MIER3: variants seen among roughly 807,000 people sequenced by gnomAD.
MIER3 encodes mesoderm induction early response protein 3.
MIER3 carries 9 observed loss-of-function variants against 63.2 expected under a neutral mutation model. That is an observed-to-expected ratio of 0.14 (90% confidence interval 0.09 to 0.25). MIER3 has a LOEUF of 0.25. MIER3 is among the 10% of genes least tolerant of loss of function. MIER3 has a pLI of 1.00. For synonymous variants in MIER3, 205 were observed against 224.9 expected, an observed-to-expected ratio of 0.91 and a Z score of 0.79; for missense variants, 512 against 666.2, an observed-to-expected ratio of 0.77 and a Z score of 2.55.
intron 4 of MIER3, among the ~76,000 whole-genome samples, chr5:56,938,113 C>T (rs1384022187): frequency 6.6e-6 from 1 of 152,204 alleles, no homozygotes; most frequent in African/African-American, 2.4e-5. Flanking sequence ...TAATGAACAG[C>T]ACTGACTACT....
intron 10 of MIER3, among the ~76,000 whole-genome samples, chr5:56,925,723 CAA>C (rs1749940684): frequency 6.6e-6 from 1 of 152,052 alleles, no homozygotes; most frequent in African/African-American, 2.4e-5. Context: ...AAAATCCCAG[CAA>C]GTTATTTTGT....
intron 5 of MIER3, chr5:56,936,871 T>C (rs1218273714): frequency 2.0e-5 from 3 of 152,056 alleles, no homozygotes; most frequent in African/African-American, 7.2e-5. Flanking sequence ...AGGAAAAAGA[T>C]GAATCATTAA....
At chr5:56,951,632 G>A (rs1448239597) in intron 1 of MIER3, among the ~76,000 whole-genome samples, 2 of 151,744 alleles carry the variant, frequency 1.3e-5, no homozygotes, top group Non-Finnish European at 2.9e-5. Flanking sequence ...GGTGGGCCGG[G>A]GGCACAGCGC....
chr5:56,929,865 A>G (rs1197082169), intron 9 of MIER3, among the ~76,000 whole-genome samples: 3 of 152,170 alleles, frequency 2.0e-5, no homozygotes, highest in Non-Finnish European at 4.4e-5. Flanking sequence ...TTGACATGGG[A>G]GACCAGGTCC....
At position 56,941,060 on chromosome 5, in the gene MIER3, G is replaced by T. The variant is rs1043765350; in HGVS notation, c.181-2043C>A. 1.3e-4 allele frequency: 125 copies of T among 985,388 alleles called. 2 individuals are homozygous for T. In the African/African-American group the frequency reaches 2.0e-3, roughly 16 times the overall value. The allele number at this position is 985,388 out of a possible 1,614,324, so 61.0% of individuals were successfully genotyped here. ...CTCAGTTCTAAGTGCTTGGCTGAGG[G>T]CTACTAGCTACTTGCTACTGGACAT... On this transcript the variant is annotated intron_variant, in intron 3 of 12. Transcript: ENST00000381199.
intron 10 of MIER3, chr5:56,925,336 A>G (rs1454122010): frequency 2.2e-6 from 1 of 455,042 alleles, no homozygotes; most frequent in Non-Finnish European, 4.4e-6. Flanking sequence ...TTTACAGGTG[A>G]CATGACTGTC....
At chr5:56,945,083 G>A (rs2112143695) in intron 3 of MIER3, among the ~76,000 whole-genome samples, 1 of 152,256 alleles carries the variant, frequency 6.6e-6, no homozygotes, top group East Asian at 1.9e-4. Context: ...TTTCTCATTT[G>A]TGCTTTTCTG....
intron 7 of MIER3, among the ~76,000 whole-genome samples, 177 bp from the exon 8 acceptor site, chr5:56,933,575 CTT>C: frequency 6.6e-6 from 1 of 152,172 alleles, no homozygotes; most frequent in East Asian, 1.9e-4. Context: ...GAAAATTTAA[CTT>C]TATTATAGGC....
intron 8 of MIER3, among the ~76,000 whole-genome samples, chr5:56,932,194 A>C (rs928944864): frequency 2.0e-5 from 3 of 152,144 alleles, no homozygotes; most frequent in African/African-American, 7.2e-5. Context: ...TGGGAGGTGG[A>C]GGTTGCAGTG....
chr5:56,952,043 C>T, intron 1 of MIER3, 51 bp downstream of exon 1: 1 of 1,259,086 alleles, frequency 7.9e-7, no homozygotes, highest in Non-Finnish European at 1.0e-6. Flanking sequence ...CGCGGGGAGC[C>T]GCCGGGCGCC....
intron 8 of MIER3, 78 bp from the exon 9 acceptor site, chr5:56,930,823 T>A (rs1165144061): frequency 1.5e-5 from 17 of 1,154,816 alleles, no homozygotes; most frequent in Non-Finnish European, 2.2e-5. Flanking sequence ...AGAGTTTTGA[T>A]AAATATTGGA....
intron 1 of MIER3, among the ~76,000 whole-genome samples, chr5:56,951,220 T>C (rs1751014195): frequency 6.6e-6 from 1 of 151,896 alleles, no homozygotes; most frequent in Admixed American, 6.6e-5. Flanking sequence ...AGTCCAGAGA[T>C]GCAGCTCCTC....
chr5:56,952,033 C>T lies in MIER3; in HGVS notation c.9+61G>A, dbSNP rs1316429173. 1.8e-5 allele frequency: 23 copies of T among 1,244,786 alleles called. 1 individual carries two copies. In the East Asian group the frequency reaches 8.8e-4, roughly 48 times the overall value. 77.1% of individuals were successfully genotyped at this position (1,244,786 alleles called of 1,614,324 possible). On this transcript the variant is annotated intron_variant, in intron 1 of 12. Transcript: ENST00000381199. ...GGATCCCCCAGGCTGGCTCGGGGGT[C>T]GCGGGGAGCCGCCGGGCGCCCGCTC... is the stretch of plus-strand genomic sequence containing the variant.
intron 9 of MIER3, among the ~76,000 whole-genome samples, chr5:56,930,028 A>G (rs967017592): frequency 2.0e-5 from 3 of 152,224 alleles, no homozygotes; most frequent in African/African-American, 7.2e-5. Context: ...ATCTCAATTC[A>G]TAAGTTTAAA....
chr5:56,946,158 A>T (rs1216104715), intron 3 of MIER3, among the ~76,000 whole-genome samples: 1 of 152,212 alleles, frequency 6.6e-6, no homozygotes, highest in Non-Finnish European at 1.5e-5. Context: ...GATATATATA[A>T]GAATGTGCTT....
intron 3 of MIER3, among the ~76,000 whole-genome samples, chr5:56,942,422 T>C (rs192980191): frequency 3.3e-4 from 51 of 152,332 alleles, no homozygotes; most frequent in African/African-American, 1.2e-3. Context: ...CTTGAGTTAC[T>C]TGATACAAGG....
chr5:56,948,386 CG>C (rs1336135253), intron 2 of MIER3, among the ~76,000 whole-genome samples: 2 of 151,938 alleles, frequency 1.3e-5, no homozygotes, highest in Non-Finnish European at 2.9e-5. Flanking sequence ...AAATATAGGC[CG>C]GGGTGGTGGC....
chr5:56,940,939 T>C lies in MIER3; in HGVS notation c.181-1922A>G. 4.1e-6 allele frequency: 4 copies of C among 984,598 alleles called. No individual in the cohort carries two copies. The South Asian group carries it at 1.9e-4, about 46-fold the overall frequency. 61.0% of individuals were successfully genotyped at this position (984,598 alleles called of 1,614,324 possible). A position where few individuals can be genotyped will look rare whatever the true frequency, so the allele number is the denominator to read the frequency against. The stretch of plus-strand genomic sequence containing the variant: ...CTTTGCCAAGCACCTGTCAGTAGTA[T>C]TTCCGCAGAACCTCACAGTTTCACA... On this transcript the variant is annotated intron_variant, in intron 3 of 12. Transcript: ENST00000381199.
chr5:56,919,891 G>GA lies in MIER3; in HGVS notation c.*3236dup, dbSNP rs1292798551. ...AAACTAATAGTTTCCTCCATTTAGT[G>GA]AAAAAATTAGGAACTTTTTAAAAAA... On this transcript the variant is annotated 3_prime_UTR_variant, in exon 13 of 13. Coordinates refer to ENST00000381199, the MANE Select transcript of MIER3 (RefSeq NM_001297599.2). The GA allele has an allele frequency of 1.3e-5, 2 of 152,572 alleles. No homozygotes were observed. The highest frequency in any genetic ancestry group is 2.9e-5 in the Non-Finnish European group (2 of 67,982). The allele number at this position is 152,572 out of a possible 1,614,324, so 9.5% of individuals were successfully genotyped here.
Sources: allele counts gnomAD v4.1 joint callset (sites outside exome capture counted in the v4.1 genomes callset), GRCh38; gene constraint gnomAD v4.1.1; transcripts MANE v1.5; gene names NCBI Gene and HGNC (gene_info 2026-07-23, HGNC 2026-07-21).